OSBPL9: variants seen among roughly 807,000 people sequenced by gnomAD.
OSBPL9 encodes the protein oxysterol-binding protein-related protein 9.
In OSBPL9, 40 loss-of-function variants were observed where a neutral mutation model predicts 106.6. The ratio of observed to expected loss-of-function variants is 0.38; its 90% CI spans 0.29 to 0.49. OSBPL9 has a LOEUF of 0.49. Among genes scored for constraint, OSBPL9 ranks in the 20% least tolerant of loss-of-function variants. The pLI is 0.97. For synonymous variants in OSBPL9, 269 were observed against 295.4 expected (o/e 0.91, Z 0.92); for missense variants, 609 against 887.2 (o/e 0.69, Z 3.98).
chr1:51,746,467 T>G (rs532029108), intron 5 of OSBPL9, among the ~76,000 whole-genome samples: 1 of 152,386 alleles, frequency 6.6e-6, no homozygotes, highest in African/African-American at 2.4e-5. Flanking sequence ...AAAAGTCATC[T>G]GTTTTCTTTT....
chr1:51,521,741 G>A, the OSBPL9 span, among the ~76,000 whole-genome samples: 124 of 152,054 alleles, frequency 8.2e-4, no homozygotes, highest in African/African-American at 2.6e-3. Flanking sequence ...GCTTTTCACC[G>A]TTTATAAATG....
chr1:51,693,197 G>C lies in OSBPL9; in HGVS notation c.242-20806G>C, dbSNP rs78509219. Among the ~76,000 whole-genome samples the C allele has an allele frequency of 2.1e-3, 318 of 151,862 alleles. 1 individual carries two copies. Among genetic ancestry groups the C allele is most frequent in the African/African-American group, 6.9e-3 (287 of 41,430 alleles). On this transcript the variant is annotated intron_variant, in intron 3 of 23. Coordinates refer to ENST00000428468, the MANE Select transcript of OSBPL9 (RefSeq NM_024586.6). ...AAGACCAGCCTGGGTAACATACCGA[G>C]ACCCTGTTTCTACAAAAAATAAAAA...
chr1:51,586,536 A>G (rs1645248997), intron 1 of OSBPL9, among the ~76,000 whole-genome samples: 1 of 152,240 alleles, frequency 6.6e-6, no homozygotes, highest in Non-Finnish European at 1.5e-5. Context: ...TGCATAAAGT[A>G]TTGCTCACAT....
chr1:51,573,562 T>C (rs1371433812), upstream of OSBPL9, among the ~76,000 whole-genome samples: 3 of 122,666 alleles, frequency 2.4e-5, no homozygotes, highest in African/African-American at 6.1e-5. Context: ...ACACCTGTAA[T>C]CCCAGCATTT....
the OSBPL9 span, among the ~76,000 whole-genome samples, chr1:51,550,031 C>T: frequency 6.6e-6 from 1 of 152,164 alleles, no homozygotes; most frequent in Admixed American, 6.5e-5. Flanking sequence ...GAAGTATAAA[C>T]TTCGAAACCA....
At chr1:51,661,123 A>G (rs1002763961) in intron 2 of OSBPL9, among the ~76,000 whole-genome samples, 1 of 152,228 alleles carries the variant, frequency 6.6e-6, no homozygotes, top group African/African-American at 2.4e-5. Context: ...TCATTTAAGC[A>G]GTGATGAAAA....
chr1:51,615,022 G>C (rs1011394023), upstream of OSBPL9, among the ~76,000 whole-genome samples: 2 of 152,318 alleles, frequency 1.3e-5, no homozygotes, highest in Middle Eastern at 3.4e-3. Context: ...CACTTTGGGA[G>C]GCCGAAGTGG....
At chr1:51,752,994 C>T (rs943972152) in intron 8 of OSBPL9, among the ~76,000 whole-genome samples, 1 of 152,048 alleles carries the variant, frequency 6.6e-6, no homozygotes, top group Non-Finnish European at 1.5e-5. Context: ...ATAGGAGGTG[C>T]CTGATAAATA....
At chr1:51,532,024 C>T in the OSBPL9 span, among the ~76,000 whole-genome samples, 13 of 152,150 alleles carry the variant, frequency 8.5e-5, no homozygotes, top group Admixed American at 8.5e-4. Context: ...CAAATCTTAT[C>T]AAAGAGCTAG....
chr1:51,519,394 C>CCCCGCCCG, the OSBPL9 span: 32 of 229,122 alleles, frequency 1.4e-4, no homozygotes, highest in Admixed American at 6.9e-4. Context: ...CCCCGCCTGG[C>CCCCGCCCG]CCCGCCCGCC....
At chr1:51,596,258 C>CA (rs35791042) in intron 1 of OSBPL9, among the ~76,000 whole-genome samples, 6,154 of 47,576 alleles carry the variant, frequency 0.13, 345 homozygotes, top group Non-Finnish European at 0.17. Flanking sequence ...GACGCTGTCT[C>CA]AAAAAAAAAA....
the OSBPL9 span, among the ~76,000 whole-genome samples, chr1:51,532,106 AG>A: frequency 1.3e-5 from 2 of 152,210 alleles, no homozygotes; most frequent in African/African-American, 4.8e-5. Context: ...TAATCGTTTC[AG>A]GGGAAGGTGA....
At chr1:51,607,164 C>CTTTTTTTTTTTTTTT (rs1320905927) in intron 2 of OSBPL9, among the ~76,000 whole-genome samples, 1 of 136,384 alleles carries the variant, frequency 7.3e-6, no homozygotes, top group African/African-American at 2.7e-5. Context: ...TTTTCTTTTT[C>CTTTTTTTTTTTTTTT]TTTTTTTTTT....
the OSBPL9 span, among the ~76,000 whole-genome samples, chr1:51,536,426 G>T: frequency 6.6e-6 from 1 of 152,018 alleles, no homozygotes. Context: ...TCCCACCCCT[G>T]CTTCCAGACT....
At chr1:51,613,932 A>G (rs776817754), upstream of OSBPL9, among the ~76,000 whole-genome samples, 14 of 152,076 alleles carry the variant, frequency 9.2e-5, no homozygotes, top group Non-Finnish European at 1.5e-4. Context: ...TTGTAGAGAC[A>G]GGCTCTCACT....
At chr1:51,760,467 C>A in intron 9 of OSBPL9, 1 of 525,064 alleles carries the variant, frequency 1.9e-6, no homozygotes. Context: ...TTTAGCTTTA[C>A]CTTCTTCTGT....
At chr1:51,666,117 G>A (rs1648445334) in intron 2 of OSBPL9, among the ~76,000 whole-genome samples, 1 of 152,178 alleles carries the variant, frequency 6.6e-6, no homozygotes, top group South Asian at 2.1e-4. Context: ...CAAAGGGCTA[G>A]GATTACAGGT....
At chr1:51,660,803 A>G (rs1374473017) in intron 2 of OSBPL9, among the ~76,000 whole-genome samples, 1 of 152,212 alleles carries the variant, frequency 6.6e-6, no homozygotes, top group African/African-American at 2.4e-5. Flanking sequence ...TCCAGGGCAT[A>G]GACATGTTTT....
chr1:51,675,368 A>T (rs10157029), intron 3 of OSBPL9, among the ~76,000 whole-genome samples: 13,367 of 151,122 alleles, frequency 0.088, 1,053 homozygotes, highest in African/African-American at 0.21. Flanking sequence ...TTAATTAATT[A>T]ATTTATTTAT....
Sources: allele counts gnomAD v4.1 joint callset (sites outside exome capture counted in the v4.1 genomes callset), GRCh38; gene constraint gnomAD v4.1.1; transcripts MANE v1.5; gene names NCBI Gene and HGNC (gene_info 2026-07-23, HGNC 2026-07-21).